COL25A1: variants seen among roughly 807,000 people sequenced by gnomAD.
COL25A1 encodes the protein collagen type XXV alpha 1 chain.
COL25A1 carries 103 observed loss-of-function variants against 128.4 expected under a neutral mutation model. The ratio of observed to expected loss-of-function variants is 0.80; its 90% CI spans 0.68 to 0.94. The LOEUF (loss-of-function observed/expected upper bound fraction) is 0.94, where lower values mean the gene tolerates loss of function less well. Among genes scored for constraint, COL25A1 ranks in the 40% least tolerant of loss-of-function variants. The probability of loss-of-function intolerance (pLI) is 0.00; values close to 1 mark genes in which losing one functional copy is unlikely to be tolerated. For synonymous variants in COL25A1, 279 were observed against 277.2 expected, an observed-to-expected ratio of 1.01 and a Z score of -0.06; for missense variants, 745 against 840.0, an observed-to-expected ratio of 0.89 and a Z score of 1.40.
Position 109,041,343 on chromosome 4 carries a change from A to G in COL25A1, c.420+6825T>C, listed in dbSNP as rs751504979. Among the ~76,000 whole-genome samples, 11 of 150,618 alleles carry G rather than the reference A, an allele frequency of 7.3e-5. 1 individual carries two copies. The highest frequency in any genetic ancestry group is 2.7e-4 in the Admixed American group (4 of 14,980). ...TAATACTTTTCTCTTTTTACAGACCACCCTTTAAATTTATGTCACCCCCTT... is the reference window on the plus strand; with the variant it reads ...TAATACTTTTCTCTTTTTACAGACCGCCCTTTAAATTTATGTCACCCCCTT... On this transcript the variant is annotated intron_variant, in intron 5 of 37. Transcript: ENST00000399132.
At chr4:108,875,589 T>A (rs929120568) in intron 19 of COL25A1, among the ~76,000 whole-genome samples, 2 of 152,048 alleles carry the variant, frequency 1.3e-5, no homozygotes, top group Non-Finnish European at 2.9e-5. Flanking sequence ...TGTGGAGAAA[T>A]AGGAATGCTT....
chr4:109,090,124 A>AAAGAATTC (rs61263919), intron 3 of COL25A1, among the ~76,000 whole-genome samples: 3 of 152,302 alleles, frequency 2.0e-5, no homozygotes, highest in East Asian at 3.9e-4. Flanking sequence ...AACATGTAAG[A>AAAGAATTC]TGTTTCTATT....
chr4:108,818,297 A>T (rs989639245), intron 36 of COL25A1, among the ~76,000 whole-genome samples: 2 of 152,230 alleles, frequency 1.3e-5, no homozygotes, highest in Middle Eastern at 6.8e-3. Flanking sequence ...TTAATTTTTA[A>T]AAATATAAAT....
intron 3 of COL25A1, among the ~76,000 whole-genome samples, chr4:109,102,038 A>G (rs1387534589): frequency 2.6e-5 from 4 of 152,178 alleles, no homozygotes; most frequent in African/African-American, 9.6e-5. Flanking sequence ...TAAATTCTTT[A>G]TAAGGAGAAC....
chr4:108,820,991 C>T (rs28713507), intron 35 of COL25A1, among the ~76,000 whole-genome samples: 28,741 of 151,980 alleles, frequency 0.19, 3,340 homozygotes, highest in African/African-American at 0.33. Context: ...CCGTGCAGAA[C>T]TCAAAATACT....
intron 3 of COL25A1, among the ~76,000 whole-genome samples, chr4:109,073,971 C>A (rs1431292214): frequency 1.3e-5 from 2 of 152,156 alleles, no homozygotes; most frequent in Non-Finnish European, 2.9e-5. Context: ...TTATTTAGGC[C>A]AGTGGTCCCC....
intron 5 of COL25A1, among the ~76,000 whole-genome samples, chr4:109,021,581 G>T (rs1436948835): frequency 1.3e-5 from 2 of 152,064 alleles, no homozygotes; most frequent in African/African-American, 2.4e-5. Flanking sequence ...AAAATGAACA[G>T]AATAATAGTA....
chr4:108,835,033 C>T (rs1487283940), intron 31 of COL25A1, among the ~76,000 whole-genome samples: 4 of 152,212 alleles, frequency 2.6e-5, no homozygotes, highest in South Asian at 2.1e-4. Flanking sequence ...ACAATGTGTG[C>T]GACCAAGCAA....
At chr4:109,275,175 T>A (rs1042080175) in intron 3 of COL25A1, among the ~76,000 whole-genome samples, 5 of 152,128 alleles carry the variant, frequency 3.3e-5, no homozygotes, top group African/African-American at 4.8e-5. Flanking sequence ...CAAAATTGTA[T>A]GTTCCCCTCA....
chr4:108,911,570 G>A (rs1006450387), intron 13 of COL25A1, among the ~76,000 whole-genome samples: 1 of 152,126 alleles, frequency 6.6e-6, no homozygotes, highest in Non-Finnish European at 1.5e-5. Context: ...CTTAGTGAGG[G>A]CTAAATAAAT....
At chr4:109,292,691 G>T (rs957950378) in intron 3 of COL25A1, among the ~76,000 whole-genome samples, 2 of 152,040 alleles carry the variant, frequency 1.3e-5, no homozygotes, top group Non-Finnish European at 2.9e-5. Flanking sequence ...ATTATACCAT[G>T]AGACCACTTA....
intron 5 of COL25A1, among the ~76,000 whole-genome samples, chr4:109,047,743 T>G (rs1188098479): frequency 6.0e-5 from 9 of 149,452 alleles, no homozygotes; most frequent in African/African-American, 2.2e-4. Flanking sequence ...TTTTTTTTTT[T>G]TTTTTTTTAG....
chr4:108,956,653 G>A (rs902461882), intron 8 of COL25A1, among the ~76,000 whole-genome samples: 1 of 152,170 alleles, frequency 6.6e-6, no homozygotes, highest in Non-Finnish European at 1.5e-5. Flanking sequence ...TGATCCACCT[G>A]CTTTGGCCTC....
intron 3 of COL25A1, among the ~76,000 whole-genome samples, chr4:109,132,634 T>G (rs1769332316): frequency 6.6e-6 from 1 of 152,156 alleles, no homozygotes. Flanking sequence ...AGAAAACAAA[T>G]TAAATTATAA....
intron 5 of COL25A1, among the ~76,000 whole-genome samples, chr4:109,013,779 C>T (rs534112244): frequency 6.6e-6 from 1 of 152,280 alleles, no homozygotes; most frequent in African/African-American, 2.4e-5. Flanking sequence ...ACTCTAAGCA[C>T]GTCCGAACAT....
At chr4:108,879,878 G>C (rs1739913755) in intron 19 of COL25A1, among the ~76,000 whole-genome samples, 1 of 152,008 alleles carries the variant, frequency 6.6e-6, no homozygotes. Flanking sequence ...GCATGATCTT[G>C]GCTCACTGCA....
chr4:108,829,549 A>T (rs1732835548), intron 32 of COL25A1, among the ~76,000 whole-genome samples: 1 of 152,056 alleles, frequency 6.6e-6, no homozygotes, highest in Non-Finnish European at 1.5e-5. Flanking sequence ...AAATAACTGA[A>T]ATAACTCCAC....
intron 3 of COL25A1, among the ~76,000 whole-genome samples, chr4:109,059,558 TAAG>T (rs1761754370): frequency 6.6e-6 from 1 of 152,190 alleles, no homozygotes; most frequent in South Asian, 2.1e-4. Flanking sequence ...AAAATAATCA[TAAG>T]AAATCACTGG....
At chr4:109,150,972 T>C (rs1771442102) in intron 3 of COL25A1, among the ~76,000 whole-genome samples, 1 of 152,152 alleles carries the variant, frequency 6.6e-6, no homozygotes, top group South Asian at 2.1e-4. Flanking sequence ...CATTTCTGTT[T>C]ACCGGACTTT....
Sources: gnomAD v4.1 joint callset for allele counts (sites outside exome capture counted in the v4.1 genomes callset) on GRCh38, gnomAD v4.1.1 for gene constraint, MANE v1.5 for transcripts, NCBI Gene and HGNC (gene_info 2026-07-23, HGNC 2026-07-21) for gene names.